The following TNRC6B variants were observed in gnomAD, a reference collection of about 807,000 sequenced individuals.
TNRC6B encodes the protein trinucleotide repeat containing adaptor 6B.
TNRC6B carries 52 observed loss-of-function variants against 203.6 expected under a neutral mutation model. The observed-to-expected ratio is 0.26, with a 90% confidence interval of 0.20 to 0.32. The LOEUF (loss-of-function observed/expected upper bound fraction) is 0.32, where lower values mean the gene tolerates loss of function less well. Ranked by LOEUF, TNRC6B falls within the 10% of genes least tolerant of loss-of-function variation. The pLI, the probability that TNRC6B is intolerant of heterozygous loss-of-function variation, is 1.00. For missense variants in TNRC6B, 1,923 were observed against 2,286.2 expected (o/e 0.84, Z 3.24); for synonymous variants, 838 against 845.7 (o/e 0.99, Z 0.16).
At position 40,312,902 on chromosome 22, in the gene TNRC6B, G is replaced by T; in HGVS notation, c.4583G>T (p.Gly1528Val). The T allele has an allele frequency of 6.2e-7, 1 of 1,612,920 alleles. No individual in the cohort carries two copies. Residue 1528 changes from glycine (G) to valine (V), a missense_variant and splice_region_variant, in exon 19 of 23, where the codon GGG (glycine) becomes GTG (valine). Gly to Val is a moderately radical substitution (Grantham distance 109). This residue lies in a region of TNRC6B where 159 missense variants were observed against 181.0 expected (regional missense o/e 0.88). Transcript: ENST00000454349. ...DHQLLRDNTT[G>V]SNSSLNTSLP... ...TTCTTCTTGTTCTTTGTTACCCAAG[G>T]GTCTAATTCTTCCCTCAACACCTCG...
intron 1 of TNRC6B, among the ~76,000 whole-genome samples, chr22:40,059,835 T>TCC (rs71326795): frequency 3.3e-4 from 45 of 138,134 alleles, no homozygotes; most frequent in African/African-American, 1.3e-3. Context: ...TTTTTTTTTT[T>TCC]CCCCCCGAGA....
At chr22:40,272,346 G>C (rs555453013) in intron 6 of TNRC6B, among the ~76,000 whole-genome samples, 1 of 152,262 alleles carries the variant, frequency 6.6e-6, no homozygotes, top group South Asian at 2.1e-4. Flanking sequence ...TAATTGCCCT[G>C]TGCCTTATGT....
intron 16 of TNRC6B, among the ~76,000 whole-genome samples, chr22:40,309,143 A>G (rs1384861840): frequency 1.3e-5 from 2 of 152,270 alleles, no homozygotes; most frequent in Non-Finnish European, 2.9e-5. Context: ...GCAAGACAGC[A>G]TTTAAGGGCA....
chr22:40,174,451 G>T (rs578026199), upstream of TNRC6B, among the ~76,000 whole-genome samples: 20 of 152,146 alleles, frequency 1.3e-4, no homozygotes, highest in Non-Finnish European at 2.6e-4. Context: ...AAAGTGCTGG[G>T]ATTACAGGTA....
Position 40,318,148 on chromosome 22 carries a change from C to T in TNRC6B, c.4974+2136C>T, listed in dbSNP as rs118183803. Among the ~76,000 whole-genome samples, 7 of 152,238 alleles carry T rather than the reference C, an allele frequency of 4.6e-5. No homozygotes were observed. In the East Asian group the frequency reaches 7.7e-4, roughly 17 times the overall value. On this transcript the variant is annotated intron_variant, in intron 21 of 22. Coordinates refer to ENST00000454349, the MANE Select transcript of TNRC6B (RefSeq NM_001162501.2). ...TTTGTAGGGAGTAAATCACAGGACT[C>T]GTATTTCAAGATGCACATTGAGGTA... is the stretch of plus-strand genomic sequence containing the variant.
chr22:40,180,118 G>A (rs2069113375), intron 1 of TNRC6B, among the ~76,000 whole-genome samples: 1 of 152,132 alleles, frequency 6.6e-6, no homozygotes, highest in African/African-American at 2.4e-5. Context: ...GAATTTAAAG[G>A]GAAAAGATAG....
intron 1 of TNRC6B, among the ~76,000 whole-genome samples, chr22:40,208,777 A>G (rs1391263486): frequency 6.6e-6 from 1 of 152,244 alleles, no homozygotes; most frequent in African/African-American, 2.4e-5. Flanking sequence ...AGAGTGGAAA[A>G]ATAACACAAA....
intron 1 of TNRC6B, among the ~76,000 whole-genome samples, chr22:40,213,549 A>C (rs1450336389): frequency 6.6e-6 from 1 of 152,208 alleles, no homozygotes; most frequent in Non-Finnish European, 1.5e-5. Flanking sequence ...TTCCATTTCA[A>C]GAAAGATCAC....
intron 1 of TNRC6B, among the ~76,000 whole-genome samples, chr22:40,098,775 T>C (rs2146302817): frequency 6.6e-6 from 1 of 152,240 alleles, no homozygotes; most frequent in South Asian, 2.1e-4. Context: ...TCACCCATAC[T>C]GGAGTGCAGT....
chr22:40,048,932 G>A (rs561216566), intron 1 of TNRC6B, among the ~76,000 whole-genome samples: 2 of 151,726 alleles, frequency 1.3e-5, no homozygotes, highest in Admixed American at 6.6e-5. Context: ...CCTCTGCCCC[G>A]CTCCCCCCTC....
At chr22:40,262,295 G>T in intron 4 of TNRC6B, 122 bp downstream of exon 4, 1 of 871,622 alleles carries the variant, frequency 1.1e-6, no homozygotes, top group Non-Finnish European at 1.6e-6. Flanking sequence ...TTAGTCAAAA[G>T]ATGAGAGAGG....
chr22:40,308,712 A>G (rs2071129359), intron 16 of TNRC6B, 63 bp downstream of exon 16: 4 of 1,530,702 alleles, frequency 2.6e-6, no homozygotes, highest in South Asian at 2.6e-5. Context: ...AACATCTTAT[A>G]AGACTATTTT....
rs867105675 is a variant in TNRC6B at position 40,184,039 on chromosome 22, C to T, written c.5+5899C>T. ...GCAAAATGAAAATTTAGGTCCATTGCCCACTTTATACAATGCTGTTGAATT... is the reference window on the plus strand; with the variant it reads ...GCAAAATGAAAATTTAGGTCCATTGTCCACTTTATACAATGCTGTTGAATT... On this transcript the variant is annotated intron_variant, in intron 1 of 22. Coordinates refer to ENST00000454349, the MANE Select transcript of TNRC6B (RefSeq NM_001162501.2). Among the ~76,000 whole-genome samples the T allele has an allele frequency of 1.7e-4, 26 of 152,250 alleles. 2 individuals are homozygous for T. In the South Asian group the frequency reaches 4.1e-3, roughly 24 times the overall value.
At chr22:40,281,370 C>A in intron 11 of TNRC6B, 81 bp downstream of exon 11, 1 of 1,242,390 alleles carries the variant, frequency 8.0e-7, no homozygotes, top group South Asian at 1.9e-5. Context: ...CATCATTTGT[C>A]TGTCTTGGGA....
chr22:40,313,756 C>T (rs547387445), intron 19 of TNRC6B, among the ~76,000 whole-genome samples: 1 of 152,356 alleles, frequency 6.6e-6, no homozygotes, highest in East Asian at 1.9e-4. Flanking sequence ...ACCTCTCTGT[C>T]ATATCAGCAG....
intron 1 of TNRC6B, among the ~76,000 whole-genome samples, chr22:40,193,832 CAT>C (rs1006701723): frequency 1.3e-5 from 2 of 151,992 alleles, no homozygotes; most frequent in Admixed American, 6.6e-5. Context: ...TAAGATAAAA[CAT>C]GTGGAACAGC....
At position 40,307,186 on chromosome 22, in the gene TNRC6B, T is replaced by TA. The variant is rs1601510711; in HGVS notation, c.4121-1325dup. ...ACTTTTACTTGATTTATTATGTGTT[T>TA]ATCAAACTATCCCAGACAACTAGGA... is the stretch of plus-strand genomic sequence containing the variant. On this transcript the variant is annotated intron_variant, in intron 15 of 22. Coordinates refer to ENST00000454349, the MANE Select transcript of TNRC6B (RefSeq NM_001162501.2). 2.6e-5 allele frequency among the ~76,000 whole-genome samples: 4 copies of TA among 152,260 alleles called. No homozygotes were observed. In the South Asian group the frequency reaches 8.3e-4, roughly 32 times the overall value.
chr22:40,177,854 C>G (rs1601861172), upstream of TNRC6B: 3 of 1,324,718 alleles, frequency 2.3e-6, no homozygotes. Flanking sequence ...CCTCCCCTTT[C>G]CTGATTGACA....
intron 1 of TNRC6B, among the ~76,000 whole-genome samples, chr22:40,232,564 A>C (rs539193165): frequency 6.6e-6 from 1 of 152,264 alleles, no homozygotes; most frequent in South Asian, 2.1e-4. Flanking sequence ...TCCTTGTTCG[A>C]GTTTGCTGAG....
Sources: gnomAD v4.1 joint callset for allele counts (sites outside exome capture counted in the v4.1 genomes callset) on GRCh38, gnomAD v4.1.1 for gene constraint, gnomAD v4.1.1 regional missense constraint, MANE v1.5 for transcripts, NCBI Gene and HGNC (gene_info 2026-07-23, HGNC 2026-07-21) for gene names.